The following PDE2A variants were observed in gnomAD, a reference collection of about 807,000 sequenced individuals.
PDE2A encodes cGMP-dependent 3',5'-cyclic phosphodiesterase.
PDE2A carries 53 observed loss-of-function variants against 133.6 expected under a neutral mutation model. The observed-to-expected ratio is 0.40, with a 90% CI of 0.32 to 0.50. The LOEUF is 0.50. Among genes scored for constraint, PDE2A ranks in the 20% least tolerant of loss-of-function variants. The pLI is 0.73. For synonymous variants in PDE2A, 491 were observed against 490.2 expected, an observed-to-expected ratio of 1.00 and a Z score of -0.02; for missense variants, 796 against 1,232.4, an observed-to-expected ratio of 0.65 and a Z score of 5.30.
intron 2 of PDE2A, among the ~76,000 whole-genome samples, chr11:72,612,693 G>A (rs1462649932): frequency 6.6e-6 from 1 of 151,562 alleles, no homozygotes; most frequent in African/African-American, 2.4e-5. Context: ...TGGATGGGTG[G>A]GTGGATGGTG....
At chr11:72,600,935 G>GA (rs1856714659) in intron 4 of PDE2A, among the ~76,000 whole-genome samples, 1 of 151,820 alleles carries the variant, frequency 6.6e-6, no homozygotes, top group Admixed American at 6.6e-5. Context: ...AGAATCGAGG[G>GA]AAAGGTTCTC....
intron 2 of PDE2A, among the ~76,000 whole-genome samples, chr11:72,634,897 C>T (rs1565184770): frequency 6.6e-6 from 1 of 152,238 alleles, no homozygotes; most frequent in Non-Finnish European, 1.5e-5. Context: ...TTGTCTGAGC[C>T]TTTGGACGCG....
intron 1 of PDE2A, among the ~76,000 whole-genome samples, chr11:72,667,675 A>T (rs1456585697): frequency 6.6e-6 from 1 of 152,152 alleles, no homozygotes; most frequent in Non-Finnish European, 1.5e-5. Context: ...ATGGTATAAA[A>T]GTCATCACTC....
In PDE2A at chr11:72,586,265, C is replaced by G. The variant is rs1429732502; in HGVS notation, c.1071-84G>C. 7.3e-6 allele frequency: 6 copies of G among 824,082 alleles called. No homozygotes were observed. The East Asian group carries it at 1.6e-4, about 22-fold the overall frequency. The allele number at this position is 824,082 out of a possible 1,614,324, so 51.0% of individuals were successfully genotyped here. On this transcript the variant is annotated intron_variant, in intron 13 of 30. Transcript: ENST00000334456. ...CTCCTTACTTCTGTTCCATCAGAAG[C>G]CCACAGGGGTACCCACCTGCCAACT...
Position 72,590,319 on chromosome 11 carries a change from G to C in PDE2A, c.704-75C>G. ...GTCCGGGTCCCTCAGGCGCCGCTCAGCTCCGCGCCGGGCCCGCCGCCGGCT... is the reference window on the plus strand; with the variant it reads ...GTCCGGGTCCCTCAGGCGCCGCTCACCTCCGCGCCGGGCCCGCCGCCGGCT... On this transcript the variant is annotated intron_variant, in intron 8 of 30. Coordinates refer to ENST00000334456, the MANE Select transcript of PDE2A (RefSeq NM_002599.5). The surrounding 1 kb of genome is among the most constrained non-coding windows in gnomAD (Gnocchi z 4.8). 6.5e-7 allele frequency: 1 copy of C among 1,538,320 alleles called. No homozygotes were observed. Among genetic ancestry groups the C allele is most frequent in the Non-Finnish European group, 8.8e-7 (1 of 1,136,250 alleles).
chr11:72,649,695 A>G (rs1269122184), intron 1 of PDE2A, among the ~76,000 whole-genome samples: 1 of 151,738 alleles, frequency 6.6e-6, no homozygotes, highest in African/African-American at 2.4e-5. Flanking sequence ...CTGCTTGCAC[A>G]CTCCCAGGGA....
At chr11:72,584,106 T>G in intron 19 of PDE2A, 95 bp downstream of exon 19, 1 of 704,488 alleles carries the variant, frequency 1.4e-6, no homozygotes, top group South Asian at 1.7e-5. Context: ...AAGGGATCAA[T>G]CCACAAGGAG....
chr11:72,607,736 GGTCACATTCTGAGTT>G (rs1188844174), intron 3 of PDE2A, among the ~76,000 whole-genome samples: 6 of 152,288 alleles, frequency 3.9e-5, no homozygotes, highest in Admixed American at 3.9e-4. Context: ...GGGATGGGAA[GGTCACATTCTGAGTT>G]GGCCATATTT....
At chr11:72,598,538 T>G in intron 4 of PDE2A, 1 of 1,289,164 alleles carries the variant, frequency 7.8e-7, no homozygotes, top group Non-Finnish European at 1.0e-6. Flanking sequence ...CACTCCTTGA[T>G]GATTAATTGT....
At chr11:72,608,779 G>A in intron 2 of PDE2A, 28 bp from the exon 3 acceptor site, 1 of 1,320,094 alleles carries the variant, frequency 7.6e-7, no homozygotes, top group Non-Finnish European at 1.1e-6. Context: ...GCAGTGAGAG[G>A]CTTTGCCAGG....
chr11:72,627,330 T>G (rs1858130968), intron 2 of PDE2A, among the ~76,000 whole-genome samples: 1 of 152,104 alleles, frequency 6.6e-6, no homozygotes, highest in African/African-American at 2.4e-5. Context: ...TTCCCAACTG[T>G]GGGCTCAGGG....
At chr11:72,665,898 T>TA (rs1855219241) in intron 1 of PDE2A, among the ~76,000 whole-genome samples, 1 of 136,326 alleles carries the variant, frequency 7.3e-6, no homozygotes. Flanking sequence ...GGTGAAAACC[T>TA]AAAAAACAAC....
intron 1 of PDE2A, among the ~76,000 whole-genome samples, chr11:72,652,885 AG>A (rs1169737068): frequency 6.6e-6 from 1 of 152,190 alleles, no homozygotes; most frequent in East Asian, 1.9e-4. Context: ...CCAGCCCAGC[AG>A]TCCCCCCAGC....
Position 72,605,186 on chromosome 11 carries a change from A to G in PDE2A, c.275T>C (p.Leu92Pro). 1.2e-6 allele frequency: 2 copies of G among 1,611,608 alleles called. No homozygotes were observed. The highest frequency in any genetic ancestry group is 1.7e-6 in the Non-Finnish European group (2 of 1,178,688). The part of the protein sequence containing the change: ...YTYLLDGESQ[L>P]VCEDPPHELP... ...CTCATGTGGGGGGTCCTCACACACC[A>G]GCTGGGACTCACCATCCAGTAGGTA... The change falls in exon 4 of 31, where the codon CTG (leucine) becomes CCG (proline). Residue 92 changes from leucine to proline, a missense_variant. Around this residue, in one of 7 missense-constraint regions of PDE2A, gnomAD observed 417 missense variants for 475.3 expected, o/e 0.88. Transcript: ENST00000334456.
chr11:72,635,421 T>C (rs547574205), intron 2 of PDE2A, among the ~76,000 whole-genome samples: 22 of 152,320 alleles, frequency 1.4e-4, no homozygotes, highest in African/African-American at 4.6e-4. Context: ...TTTAGAATCA[T>C]TGAATCATCA....
At position 72,581,338 on chromosome 11, in the gene PDE2A, G is replaced by T; in HGVS notation, c.2045+19C>A. On this transcript the variant is annotated intron_variant, in intron 23 of 30. Coordinates refer to ENST00000334456, the MANE Select transcript of PDE2A (RefSeq NM_002599.5). ...GGACCCCAGTGGCTGCCAGATGTGG[G>T]GGAGATGCAGCCACTCACTCGAGGT... The T allele has an allele frequency of 1.2e-6, 2 of 1,612,204 alleles. No homozygotes were observed. Among genetic ancestry groups the T allele is most frequent in the Non-Finnish European group, 1.7e-6 (2 of 1,179,498 alleles).
Position 72,578,571 on chromosome 11 carries a change from C to A in PDE2A, c.2470-57G>T. ...ATGTAGGATACATCCACCCAAGCTCCTCTGACAGCCCGTTCCCAGGAGAGA... is the reference window on the plus strand; with the variant it reads ...ATGTAGGATACATCCACCCAAGCTCATCTGACAGCCCGTTCCCAGGAGAGA... On this transcript the variant is annotated intron_variant, in intron 28 of 30. Coordinates refer to ENST00000334456, the MANE Select transcript of PDE2A (RefSeq NM_002599.5). This position sits in a 1 kb window ranked among gnomAD's most constrained non-coding sequence, Gnocchi z 4.2. 7.1e-7 allele frequency: 1 copy of A among 1,416,628 alleles called. No individual in the cohort carries two copies. The highest frequency in any genetic ancestry group is 1.2e-5 in the South Asian group (1 of 86,904). 87.8% of individuals were successfully genotyped at this position (1,416,628 alleles called of 1,614,324 possible). A position where few individuals can be genotyped will look rare whatever the true frequency, so the allele number is the denominator to read the frequency against.
rs186601195 is a variant in PDE2A at position 72,648,533 on chromosome 11, C to T, written c.72-6207G>A. 1.8e-4 allele frequency among the ~76,000 whole-genome samples: 28 copies of T among 152,246 alleles called. No individual in the cohort carries two copies. In the East Asian group the frequency reaches 4.2e-3, roughly 23 times the overall value. Reference sequence around the variant, plus strand: ...AGGGGATGGGGGCTGTAGGGTGGGTCAGCCACAGGCCTCATCCATTTTCAT... The same window carrying T: ...AGGGGATGGGGGCTGTAGGGTGGGTTAGCCACAGGCCTCATCCATTTTCAT... On this transcript the variant is annotated intron_variant, in intron 1 of 30. Transcript: ENST00000334456.
chr11:72,602,505 C>T (rs553625202), intron 4 of PDE2A, among the ~76,000 whole-genome samples: 18 of 152,328 alleles, frequency 1.2e-4, no homozygotes, highest in Admixed American at 5.9e-4. Flanking sequence ...TCAGGCTCCA[C>T]GGCAGCCTGT....
Sources: gnomAD v4.1 joint callset for allele counts (sites outside exome capture counted in the v4.1 genomes callset) on GRCh38, gnomAD v4.1.1 for gene constraint, gnomAD v4.1.1 regional missense constraint, Gnocchi (gnomAD v3.1) non-coding constraint, MANE v1.5 for transcripts, NCBI Gene and HGNC (gene_info 2026-07-23, HGNC 2026-07-21) for gene names.